Variants in DIAPH2 observed in about 807,000 individuals in gnomAD.
The protein encoded by DIAPH2 is protein diaphanous homolog 2.
Under a neutral mutation model 92.7 loss-of-function variants are expected in DIAPH2, and 35 were observed. The ratio of observed to expected loss-of-function variants is 0.38; its 90% CI spans 0.29 to 0.50. DIAPH2 has a LOEUF of 0.50. DIAPH2 is among the 20% of genes least tolerant of loss of function. The pLI, the probability that DIAPH2 is intolerant of heterozygous loss-of-function variation, is 0.94. For synonymous variants in DIAPH2, 301 were observed against 280.4 expected, an observed-to-expected ratio of 1.07 and a Z score of -0.73; for missense variants, 701 against 819.5, an observed-to-expected ratio of 0.86 and a Z score of 1.77.
chrX:97,177,908 A>C (rs2067505757), intron 22 of DIAPH2, among the ~76,000 whole-genome samples: 1 of 111,283 alleles, frequency 9.0e-6, no homozygotes, highest in African/African-American at 3.3e-5. Context: ...ACCTGATTTA[A>C]TTAAAAAATC....
intron 23 of DIAPH2, among the ~76,000 whole-genome samples, chrX:97,298,754 A>G (rs929572680): frequency 3.5e-4 from 38 of 109,337 alleles, no homozygotes; most frequent in African/African-American, 1.2e-3. Context: ...AGCTGGGACT[A>G]CAGGTGTCCA....
intron 22 of DIAPH2, among the ~76,000 whole-genome samples, chrX:97,219,525 T>C (rs1426163521): frequency 1.8e-5 from 2 of 112,127 alleles, no homozygotes; most frequent in African/African-American, 6.5e-5. Context: ...ATTGTACCTA[T>C]ATCCATTAAG....
chrX:96,959,631 CACTT>C (rs970913703), intron 16 of DIAPH2, among the ~76,000 whole-genome samples: 5 of 111,741 alleles, frequency 4.5e-5, no homozygotes, highest in South Asian at 3.8e-4. Context: ...AATATAATCT[CACTT>C]ACCCATTTTT....
intron 24 of DIAPH2, among the ~76,000 whole-genome samples, chrX:97,373,102 C>T (rs1011254410): frequency 8.9e-6 from 1 of 112,091 alleles, no homozygotes; most frequent in Non-Finnish European, 1.9e-5. Flanking sequence ...TCAATGTAAA[C>T]ACTAATCTCT....
rs188115992 is a variant in DIAPH2, at chrX:97,467,867, C to T, written c.3241+38122C>T. On this transcript the variant is annotated intron_variant, in intron 26 of 26. Transcript: ENST00000324765. ...AAAAGCTGAAAAATCAGTTTGACAA[C>T]GTTCCTGCTGGGATTGGCCTGCAAT... Among the ~76,000 whole-genome samples, 6 of 111,434 alleles carry T rather than the reference C, an allele frequency of 5.4e-5. No homozygotes were observed. In the East Asian group the frequency reaches 1.4e-3, roughly 26 times the overall value.
chrX:96,798,863 A>G (rs996960211), intron 4 of DIAPH2, among the ~76,000 whole-genome samples: 5 of 111,361 alleles, frequency 4.5e-5, no homozygotes, highest in East Asian at 2.8e-4. Context: ...CAAATGCTCA[A>G]TGAAGTCTCT....
intron 17 of DIAPH2, among the ~76,000 whole-genome samples, chrX:96,987,295 G>A (rs760572977): frequency 1.8e-5 from 2 of 111,659 alleles, no homozygotes; most frequent in East Asian, 2.8e-4. Context: ...CATTATTCTA[G>A]CAATTCTTCC....
chrX:97,383,536 T>C lies in DIAPH2; in HGVS notation c.3010-373T>C, dbSNP rs756076290. ...TTCTCATGTGTCAAACTAGTTCATATTTTAACAATACATAAAGTATACTTA... is the reference window on the plus strand; with the variant it reads ...TTCTCATGTGTCAAACTAGTTCATACTTTAACAATACATAAAGTATACTTA... On this transcript the variant is annotated intron_variant, in intron 24 of 26. Transcript: ENST00000324765. 1.3e-4 allele frequency among the ~76,000 whole-genome samples: 14 copies of C among 108,708 alleles called. No homozygotes were observed. In the South Asian group the frequency reaches 5.3e-3, roughly 42 times the overall value. The allele number at this position is 108,708 out of a possible 115,157, so 94.4% of individuals were successfully genotyped here.
At chrX:97,380,838 T>C (rs768891345) in intron 24 of DIAPH2, among the ~76,000 whole-genome samples, 7 of 111,956 alleles carry the variant, frequency 6.3e-5, no homozygotes, top group Admixed American at 5.7e-4. Context: ...ATATATGCCT[T>C]TGTAGATGTT....
intron 5 of DIAPH2, among the ~76,000 whole-genome samples, chrX:96,893,570 T>C (rs1189478512): frequency 8.9e-6 from 1 of 111,920 alleles, no homozygotes; most frequent in East Asian, 2.8e-4. Flanking sequence ...TACAGAAGAT[T>C]TCTATGAATG....
chrX:96,691,911 A>G (rs961284662), intron 1 of DIAPH2, among the ~76,000 whole-genome samples: 3 of 111,834 alleles, frequency 2.7e-5, no homozygotes, highest in Non-Finnish European at 5.6e-5. Flanking sequence ...GCACTCACCC[A>G]AGGGAGAAGA....
At chrX:96,703,086 A>T (rs961833600) in intron 1 of DIAPH2, among the ~76,000 whole-genome samples, 5 of 111,789 alleles carry the variant, frequency 4.5e-5, no homozygotes, top group African/African-American at 1.6e-4. Flanking sequence ...GAGGAAAAAT[A>T]TGAGTTAGTC....
intron 26 of DIAPH2, among the ~76,000 whole-genome samples, chrX:97,506,912 G>A (rs1199029919): frequency 9.0e-6 from 1 of 111,251 alleles, no homozygotes; most frequent in East Asian, 2.8e-4. Flanking sequence ...GCTTGGCAAT[G>A]ACCTAGATCA....
At chrX:97,487,760 C>G (rs957630435) in intron 26 of DIAPH2, among the ~76,000 whole-genome samples, 1 of 97,884 alleles carries the variant, frequency 1.0e-5, no homozygotes, top group African/African-American at 3.5e-5. Flanking sequence ...TTTTCACATC[C>G]TTAACAATGC....
At chrX:97,181,839 C>T (rs1157371560) in intron 22 of DIAPH2, among the ~76,000 whole-genome samples, 1 of 112,548 alleles carries the variant, frequency 8.9e-6, no homozygotes, top group East Asian at 2.8e-4. Context: ...GCATTTGATG[C>T]ACTTTACAGA....
At chrX:97,595,016 G>A (rs756025489) in intron 26 of DIAPH2, among the ~76,000 whole-genome samples, 2 of 111,433 alleles carry the variant, frequency 1.8e-5, no homozygotes, top group East Asian at 2.8e-4. Context: ...TTTGGCACTC[G>A]CTCACTGTGT....
chrX:97,080,463 A>G (rs1257481400), intron 19 of DIAPH2, among the ~76,000 whole-genome samples: 3 of 79,999 alleles, frequency 3.8e-5, no homozygotes, highest in Non-Finnish European at 7.1e-5. Context: ...TCTATCCCCC[A>G]CAATCCCCCT....
At chrX:97,186,419 C>T (rs201838743) in intron 22 of DIAPH2, among the ~76,000 whole-genome samples, 227 of 111,568 alleles carry the variant, frequency 2.0e-3, no homozygotes, top group Non-Finnish European at 3.3e-3. Flanking sequence ...AGTTCTTATG[C>T]GTGTTCCTTT....
intron 23 of DIAPH2, among the ~76,000 whole-genome samples, chrX:97,337,441 C>T (rs2069073905): frequency 9.0e-6 from 1 of 111,168 alleles, no homozygotes; most frequent in Non-Finnish European, 1.9e-5. Flanking sequence ...AGTGAGTTCT[C>T]ATGAGATCTG....
Sources: gnomAD v4.1 joint callset for allele counts (sites outside exome capture counted in the v4.1 genomes callset) on GRCh38, gnomAD v4.1.1 for gene constraint, MANE v1.5 for transcripts, NCBI Gene and HGNC (gene_info 2026-07-23, HGNC 2026-07-21) for gene names.